Variants in AADAT observed in about 807,000 individuals in gnomAD.
AADAT encodes kynurenine/alpha-aminoadipate aminotransferase, mitochondrial.
Under a neutral mutation model 56.2 loss-of-function variants are expected in AADAT, and 25 were observed. The observed-to-expected ratio is 0.44, with a 90% confidence interval of 0.32 to 0.62. AADAT has a LOEUF of 0.62. Among genes scored for constraint, AADAT ranks in the 20% least tolerant of loss-of-function variants. The pLI is 0.04. For synonymous variants in AADAT, 173 were observed against 164.7 expected, an observed-to-expected ratio of 1.05 and a Z score of -0.39; for missense variants, 387 against 510.5, an observed-to-expected ratio of 0.76 and a Z score of 2.33.
chr4:170,091,253 G>A (rs1218648467), upstream of AADAT, among the ~76,000 whole-genome samples: 1 of 152,164 alleles, frequency 6.6e-6, no homozygotes, highest in East Asian at 1.9e-4. Context: ...GCGGGAACCA[G>A]GGCTGTGCGG....
At position 170,086,140 on chromosome 4, in the gene AADAT, G is replaced by A. The variant is rs531288895; in HGVS notation, c.369+976C>T. On this transcript the variant is annotated intron_variant, in intron 3 of 12. Coordinates refer to ENST00000337664, the MANE Select transcript of AADAT (RefSeq NM_016228.4). ...TGCACCCGCAGTCCCAGCTACCTGG[G>A]AGGCTAAGGTGGAAGAATTGTTGGA... Among the ~76,000 whole-genome samples the A allele has an allele frequency of 4.6e-5, 7 of 152,218 alleles. No homozygotes were observed. In the South Asian group the frequency reaches 1.5e-3, roughly 32 times the overall value.
Position 170,077,411 on chromosome 4 carries a change from T to C in AADAT, c.444+1098A>G, listed in dbSNP as rs992358457. On this transcript the variant is annotated intron_variant, in intron 4 of 12. Transcript: ENST00000337664. ...TTTAATGTACAAGTCTTCCACCTCC[T>C]TTGTTAGATTTATTCCTACGTATTT... is the stretch of plus-strand genomic sequence containing the variant. Among the ~76,000 whole-genome samples the C allele has an allele frequency of 1.2e-4, 19 of 152,332 alleles. No individual in the cohort carries two copies. The East Asian group carries it at 3.3e-3, about 26-fold the overall frequency.
intron 5 of AADAT, among the ~76,000 whole-genome samples, chr4:170,072,299 GTATATA>G: frequency 6.7e-6 from 1 of 148,688 alleles, no homozygotes; most frequent in Non-Finnish European, 1.5e-5. Context: ...ATGTGTGTGT[GTATATA>G]TATATATATA....
chr4:170,081,989 A>G (rs1262065595), intron 3 of AADAT, among the ~76,000 whole-genome samples: 1 of 152,248 alleles, frequency 6.6e-6, no homozygotes, highest in Non-Finnish European at 1.5e-5. Context: ...TACCACCACC[A>G]GATCCATCTT....
intron 11 of AADAT, among the ~76,000 whole-genome samples, chr4:170,062,700 T>TCCCC (rs1731253470): frequency 6.6e-6 from 1 of 152,190 alleles, no homozygotes; most frequent in African/African-American, 2.4e-5. Context: ...TAGCTGTGTG[T>TCCCC]GACCATGAGA....
intron 4 of AADAT, among the ~76,000 whole-genome samples, chr4:170,077,506 T>C (rs1732096497): frequency 1.3e-5 from 2 of 152,050 alleles, no homozygotes; most frequent in Non-Finnish European, 1.5e-5. Flanking sequence ...TTCATAAAAA[T>C]AAAATAAAAT....
chr4:170,071,584 C>A (rs963926070), intron 5 of AADAT, among the ~76,000 whole-genome samples: 1 of 152,110 alleles, frequency 6.6e-6, no homozygotes, highest in Non-Finnish European at 1.5e-5. Flanking sequence ...GAGAAACCAC[C>A]GGAGGGCTGT....
At chr4:170,066,952 C>T (rs62344715) in intron 9 of AADAT, among the ~76,000 whole-genome samples, 7,990 of 152,242 alleles carry the variant, frequency 0.052, 239 homozygotes, top group Middle Eastern at 0.088. Flanking sequence ...AAATTATGTT[C>T]ACCTTCATCT....
At position 170,089,930 on chromosome 4, in the gene AADAT, G is replaced by A. The variant is rs1480211777; in HGVS notation, c.-240C>T. On this transcript the variant is annotated 5_prime_UTR_variant, in exon 1 of 13. Coordinates refer to ENST00000337664, the MANE Select transcript of AADAT (RefSeq NM_016228.4). ...GGGTCTGGGGCTGTGTGGCGAGCCC[G>A]GCAAAGTCCACGCCGCACGCGCTCC... The A allele has an allele frequency of 7.2e-6, 3 of 415,264 alleles. No homozygotes were observed. The highest frequency in any genetic ancestry group is 3.9e-5 in the South Asian group (1 of 25,350). 25.7% of individuals were successfully genotyped at this position (415,264 alleles called of 1,614,324 possible).
At chr4:170,073,072 T>C (rs1561016597) in intron 5 of AADAT, 64 bp downstream of exon 5, 5 of 1,486,626 alleles carry the variant, frequency 3.4e-6, no homozygotes, top group East Asian at 4.5e-5. Flanking sequence ...GCTTGCATAG[T>C]GCTCTTCTAA....
chr4:170,085,244 T>C (rs936602654), intron 3 of AADAT, among the ~76,000 whole-genome samples: 9 of 152,342 alleles, frequency 5.9e-5, no homozygotes, highest in Admixed American at 4.6e-4. Context: ...TCAAAAGTTA[T>C]ATGCAGATTT....
intron 3 of AADAT, among the ~76,000 whole-genome samples, chr4:170,086,756 T>C (rs2111212937): frequency 6.6e-6 from 1 of 152,282 alleles, no homozygotes; most frequent in African/African-American, 2.4e-5. Context: ...ATGCTCTGTA[T>C]TTAATATTTA....
At chr4:170,091,347 C>G (rs1277066534), upstream of AADAT, among the ~76,000 whole-genome samples, 2 of 152,162 alleles carry the variant, frequency 1.3e-5, no homozygotes, top group African/African-American at 2.4e-5. Context: ...CCGCCAGACC[C>G]GGGTAGTGAG....
intron 1 of AADAT, 109 bp downstream of exon 1, chr4:170,089,515 C>T: frequency 8.3e-7 from 1 of 1,210,290 alleles, no homozygotes; most frequent in South Asian, 1.3e-5. Flanking sequence ...CGAGCGTGCA[C>T]AGGGGTACGC....
At chr4:170,080,117 G>GT (rs920949068) in intron 3 of AADAT, among the ~76,000 whole-genome samples, 1 of 152,142 alleles carries the variant, frequency 6.6e-6, no homozygotes, top group African/African-American at 2.4e-5. Context: ...AAATGGTGGT[G>GT]TAGAAGCAAG....
intron 4 of AADAT, among the ~76,000 whole-genome samples, chr4:170,076,912 C>A (rs1732064141): frequency 6.6e-6 from 1 of 152,076 alleles, no homozygotes. Flanking sequence ...GGTCCAAGTT[C>A]TTTTATATGC....
chr4:170,092,751 A>G (rs565244096), upstream of AADAT, among the ~76,000 whole-genome samples: 1 of 152,366 alleles, frequency 6.6e-6, no homozygotes, highest in East Asian at 1.9e-4. Flanking sequence ...AATAAATGAG[A>G]TAATCTGTGT....
upstream of AADAT, among the ~76,000 whole-genome samples, chr4:170,092,219 T>C (rs1383847007): frequency 1.3e-5 from 2 of 152,270 alleles, no homozygotes; most frequent in Non-Finnish European, 2.9e-5. Context: ...TCTCGCAGTT[T>C]GCAATAAATC....
intron 5 of AADAT, among the ~76,000 whole-genome samples, chr4:170,072,667 G>A (rs73864574): frequency 1.1e-3 from 162 of 152,228 alleles, no homozygotes; most frequent in African/African-American, 3.8e-3. Context: ...CTTAATATAT[G>A]TTTGATACTT....
Sources: gnomAD v4.1 joint callset for allele counts (sites outside exome capture counted in the v4.1 genomes callset) on GRCh38, gnomAD v4.1.1 for gene constraint, MANE v1.5 for transcripts, NCBI Gene and HGNC (gene_info 2026-07-23, HGNC 2026-07-21) for gene names.